TMTC2: variants seen among roughly 807,000 people sequenced by gnomAD.
TMTC2 encodes the protein transmembrane O-mannosyltransferase targeting cadherins 2.
In TMTC2, 43 loss-of-function variants were observed where a neutral mutation model predicts 82.4. The observed-to-expected ratio is 0.52, with a 90% CI of 0.41 to 0.67. The LOEUF is 0.67. TMTC2 is among the 30% of genes least tolerant of loss of function. The pLI is 0.00. For synonymous variants in TMTC2, 408 were observed against 381.9 expected, an observed-to-expected ratio of 1.07 and a Z score of -0.80; for missense variants, 919 against 1,012.4, an observed-to-expected ratio of 0.91 and a Z score of 1.25.
chr12:82,936,851 G>GTA (rs1876347328), intron 4 of TMTC2, among the ~76,000 whole-genome samples: 1 of 151,912 alleles, frequency 6.6e-6, no homozygotes, highest in African/African-American at 2.4e-5. Flanking sequence ...ATTCATTATT[G>GTA]TATCCCCCAT....
At chr12:83,001,112 C>G (rs1400464779) in intron 8 of TMTC2, among the ~76,000 whole-genome samples, 1 of 152,148 alleles carries the variant, frequency 6.6e-6, no homozygotes, top group Non-Finnish European at 1.5e-5. Flanking sequence ...AGGTCTCTGA[C>G]ACGCCCTGAA....
intron 7 of TMTC2, among the ~76,000 whole-genome samples, chr12:82,977,723 T>G (rs1431120032): frequency 6.6e-6 from 1 of 151,842 alleles, no homozygotes; most frequent in African/African-American, 2.4e-5. Flanking sequence ...AGTCCAAGAA[T>G]TCTCCTTCTA....
intron 11 of TMTC2, among the ~76,000 whole-genome samples, chr12:83,110,223 C>T (rs559444514): frequency 6.6e-6 from 1 of 152,292 alleles, no homozygotes; most frequent in African/African-American, 2.4e-5. Flanking sequence ...AAACCAACCT[C>T]TTCATTTCTT....
chr12:82,725,925 T>G (rs1280522317), intron 1 of TMTC2, among the ~76,000 whole-genome samples: 1 of 152,158 alleles, frequency 6.6e-6, no homozygotes, highest in Non-Finnish European at 1.5e-5. Flanking sequence ...GTGACAAATG[T>G]TTCCCTTTCA....
At chr12:82,766,630 G>A (rs1348566780) in intron 1 of TMTC2, among the ~76,000 whole-genome samples, 3 of 152,258 alleles carry the variant, frequency 2.0e-5, no homozygotes, top group East Asian at 1.9e-4. Flanking sequence ...CAAGTCCGAC[G>A]AAAATGCCAA....
At chr12:83,013,892 A>C (rs2137391289) in intron 8 of TMTC2, among the ~76,000 whole-genome samples, 1 of 152,288 alleles carries the variant, frequency 6.6e-6, no homozygotes, top group East Asian at 1.9e-4. Context: ...TTCTAGGGCG[A>C]GGTGGGCGAT....
chr12:82,910,040 T>C (rs189221005), intron 3 of TMTC2, among the ~76,000 whole-genome samples: 1 of 152,276 alleles, frequency 6.6e-6, no homozygotes, highest in Admixed American at 6.5e-5. Flanking sequence ...CAATTGCTGA[T>C]ATTGTTAAAG....
At chr12:83,064,523 G>T (rs1288886107) in intron 11 of TMTC2, among the ~76,000 whole-genome samples, 1 of 151,896 alleles carries the variant, frequency 6.6e-6, no homozygotes, top group South Asian at 2.1e-4. Flanking sequence ...AACAGATGTG[G>T]TTTTTTCCTA....
intron 11 of TMTC2, among the ~76,000 whole-genome samples, chr12:83,064,470 T>C (rs945069333): frequency 6.6e-6 from 1 of 151,974 alleles, no homozygotes; most frequent in Non-Finnish European, 1.5e-5. Context: ...GAATAAAATG[T>C]TCATATTTAA....
At chr12:82,824,038 C>T (rs997004054) in intron 1 of TMTC2, among the ~76,000 whole-genome samples, 4 of 151,946 alleles carry the variant, frequency 2.6e-5, no homozygotes, top group East Asian at 1.9e-4. Flanking sequence ...GAATTGCAGG[C>T]GTCCACCACC....
chr12:83,118,128 A>G (rs947844900), intron 11 of TMTC2, among the ~76,000 whole-genome samples: 2 of 152,028 alleles, frequency 1.3e-5, no homozygotes, highest in African/African-American at 4.8e-5. Context: ...TGACAGTTTG[A>G]CTTCCTCTTT....
chr12:82,926,759 A>G (rs1175876893), intron 3 of TMTC2, among the ~76,000 whole-genome samples: 2 of 152,204 alleles, frequency 1.3e-5, no homozygotes, highest in African/African-American at 2.4e-5. Context: ...TTAACATTCA[A>G]AAAATCCTAG....
chr12:82,813,462 G>T (rs1030515430), intron 1 of TMTC2, among the ~76,000 whole-genome samples: 7 of 151,864 alleles, frequency 4.6e-5, no homozygotes, highest in African/African-American at 1.7e-4. Flanking sequence ...CTTTGTTCAG[G>T]AGTTTCTTAT....
chr12:82,878,355 T>C (rs1175702690), intron 2 of TMTC2, among the ~76,000 whole-genome samples: 2 of 152,230 alleles, frequency 1.3e-5, no homozygotes, highest in Non-Finnish European at 2.9e-5. Context: ...TTTACAGTAG[T>C]TGATATCTTT....
At chr12:82,777,894 C>T (rs1353219976) in intron 1 of TMTC2, among the ~76,000 whole-genome samples, 5 of 152,076 alleles carry the variant, frequency 3.3e-5, no homozygotes, top group African/African-American at 4.8e-5. Flanking sequence ...TTTCTGCCTG[C>T]CCAGATGCTT....
At chr12:82,988,800 G>A (rs1244224454) in intron 8 of TMTC2, among the ~76,000 whole-genome samples, 1 of 149,076 alleles carries the variant, frequency 6.7e-6, no homozygotes, top group South Asian at 2.2e-4. Context: ...TACATTTAGA[G>A]GTCCCCTGTA....
At chr12:83,043,643 T>A (rs1881977751) in intron 9 of TMTC2, among the ~76,000 whole-genome samples, 2 of 152,202 alleles carry the variant, frequency 1.3e-5, no homozygotes, top group African/African-American at 2.4e-5. Context: ...CAAGTTTAGA[T>A]GAGTTTTGGT....
intron 8 of TMTC2, among the ~76,000 whole-genome samples, chr12:82,989,803 G>A (rs963517033): frequency 6.7e-6 from 1 of 150,368 alleles, no homozygotes; most frequent in East Asian, 2.0e-4. Context: ...CCATATGGAA[G>A]GAAAGGAAAG....
intron 1 of TMTC2, among the ~76,000 whole-genome samples, chr12:82,739,558 G>T (rs2136951464): frequency 6.6e-6 from 1 of 151,666 alleles, no homozygotes; most frequent in East Asian, 1.9e-4. Context: ...TTCTAACACT[G>T]GACTATATAT....
Sources: allele counts gnomAD v4.1 joint callset (sites outside exome capture counted in the v4.1 genomes callset), GRCh38; gene constraint gnomAD v4.1.1; transcripts MANE v1.5; gene names NCBI Gene and HGNC (gene_info 2026-07-23, HGNC 2026-07-21).